The following SGMS1 variants were observed in gnomAD, a reference collection of about 807,000 sequenced individuals.
SGMS1 encodes sphingomyelin synthase 1, also known as phosphatidylcholine:ceramide cholinephosphotransferase 1.
SGMS1 carries 13 observed loss-of-function variants against 46.2 expected under a neutral mutation model. That is an observed-to-expected ratio of 0.28 (90% confidence interval 0.18 to 0.45). The LOEUF is 0.45. SGMS1 is among the 20% of genes least tolerant of loss of function. The pLI, the probability that SGMS1 is intolerant of heterozygous loss-of-function variation, is 1.00. For synonymous variants in SGMS1, 203 were observed against 187.8 expected (o/e 1.08, Z -0.66); for missense variants, 324 against 519.9 (o/e 0.62, Z 3.66).
At position 50,458,339 on chromosome 10, in the gene SGMS1, CTTTTTTTTTTTT is replaced by C. The variant is rs750349777; in HGVS notation, c.-313+2322_-313+2333del. 2.2e-3 allele frequency among the ~76,000 whole-genome samples: 210 copies of C among 97,150 alleles called. 1 individual carries two copies. The highest frequency in any genetic ancestry group is 6.0e-3 in the African/African-American group (140 of 23,478). 63.7% of individuals were successfully genotyped at this position (97,150 alleles called of 152,430 possible). A position where few individuals can be genotyped will look rare whatever the true frequency, so the allele number is the denominator to read the frequency against. ...TCTGGCTCTGCTATTTTCTTTTTCT[CTTTTTTTTTTTT>C]TTTTTTTTTTTTTTTTTTGTTTGAG... On this transcript the variant is annotated intron_variant, in intron 5 of 10. Transcript: ENST00000361781.
chr10:50,365,785 G>C (rs889791881), intron 6 of SGMS1, among the ~76,000 whole-genome samples: 6 of 152,154 alleles, frequency 3.9e-5, no homozygotes, highest in Non-Finnish European at 5.9e-5. Flanking sequence ...TGGCTGCATA[G>C]TATTCCATGG....
chr10:50,483,199 C>A (rs1436165280), intron 3 of SGMS1, among the ~76,000 whole-genome samples: 1 of 152,156 alleles, frequency 6.6e-6, no homozygotes, highest in Non-Finnish European at 1.5e-5. Flanking sequence ...CCTGCCTCAG[C>A]CTCCTGAGTG....
At chr10:50,542,920 A>G (rs192842025) in intron 2 of SGMS1, among the ~76,000 whole-genome samples, 61 of 151,686 alleles carry the variant, frequency 4.0e-4, no homozygotes, top group African/African-American at 1.4e-3. Context: ...TTAAAACACA[A>G]GTTACCTGCT....
intron 6 of SGMS1, among the ~76,000 whole-genome samples, chr10:50,410,169 A>G (rs1849076661): frequency 6.6e-6 from 1 of 152,246 alleles, no homozygotes; most frequent in Non-Finnish European, 1.5e-5. Context: ...CACATGAATA[A>G]GCACTCAATG....
chr10:50,381,269 GAAA>G (rs1209751070), intron 6 of SGMS1, among the ~76,000 whole-genome samples: 1 of 111,546 alleles, frequency 9.0e-6, no homozygotes, highest in Non-Finnish European at 2.0e-5. Context: ...TGTTCTAAAA[GAAA>G]AAAAAAAAGA....
chr10:50,341,983 T>C (rs1320015134), intron 7 of SGMS1, among the ~76,000 whole-genome samples: 2 of 152,190 alleles, frequency 1.3e-5, no homozygotes, highest in East Asian at 1.9e-4. Context: ...CAAAGTTATA[T>C]TGTGGGGTAG....
chr10:50,493,122 T>A (rs1837580849), intron 3 of SGMS1, among the ~76,000 whole-genome samples: 2 of 152,118 alleles, frequency 1.3e-5, no homozygotes, highest in African/African-American at 4.8e-5. Context: ...AAGAGACACA[T>A]AAACAAAAGA....
intron 2 of SGMS1, among the ~76,000 whole-genome samples, chr10:50,566,081 C>T (rs551727001): frequency 5.7e-4 from 87 of 152,300 alleles, no homozygotes; most frequent in African/African-American, 2.1e-3. Flanking sequence ...TCAATAACTG[C>T]TTTTTCTGCT....
intron 5 of SGMS1, among the ~76,000 whole-genome samples, chr10:50,451,114 G>C (rs1837104088): frequency 6.6e-6 from 1 of 152,028 alleles, no homozygotes; most frequent in Non-Finnish European, 1.5e-5. Flanking sequence ...GATTTTTAAT[G>C]GCTAAATGTG....
At chr10:50,450,062 T>A (rs1837084373) in intron 5 of SGMS1, among the ~76,000 whole-genome samples, 1 of 152,204 alleles carries the variant, frequency 6.6e-6, no homozygotes. Context: ...GAGAAAAGAC[T>A]ATATGAAACC....
intron 8 of SGMS1, among the ~76,000 whole-genome samples, chr10:50,313,151 A>T (rs1847284564): frequency 6.6e-6 from 1 of 152,224 alleles, no homozygotes; most frequent in African/African-American, 2.4e-5. Flanking sequence ...CTGCATATTG[A>T]GCTAAACGAA....
chr10:50,557,917 G>C (rs1278898225), intron 2 of SGMS1, among the ~76,000 whole-genome samples: 1 of 152,148 alleles, frequency 6.6e-6, no homozygotes, highest in African/African-American at 2.4e-5. Flanking sequence ...GGAGGAGAAG[G>C]AAAAACTCAG....
rs756099688 is a variant in SGMS1 at position 50,347,368 on chromosome 10, AATAAG to A, written c.-231-3028_-231-3024del. Among the ~76,000 whole-genome samples the A allele has an allele frequency of 5.3e-5, 8 of 152,340 alleles. 2 individuals are homozygous for A. In the Middle Eastern group the frequency reaches 0.02, roughly 389 times the overall value. On this transcript the variant is annotated intron_variant, in intron 6 of 10. Coordinates refer to ENST00000361781, the MANE Select transcript of SGMS1 (RefSeq NM_147156.4). ...TAAAACAATTTGGACGCGCAAGGAGAATAAGATGGGCATTCTCTAGAGAAATGTAA... is the reference window on the plus strand; with the variant it reads ...TAAAACAATTTGGACGCGCAAGGAGAATGGGCATTCTCTAGAGAAATGTAA...
At chr10:50,343,432 G>T (rs1847853232) in intron 7 of SGMS1, 60 bp downstream of exon 7, 1 of 1,461,688 alleles carries the variant, frequency 6.8e-7, no homozygotes, top group African/African-American at 1.4e-5. Flanking sequence ...TAAATAATAA[G>T]TAGATGTTTG....
intron 5 of SGMS1, among the ~76,000 whole-genome samples, chr10:50,453,322 C>T (rs1413246669): frequency 2.0e-5 from 3 of 151,914 alleles, no homozygotes; most frequent in African/African-American, 7.2e-5. Context: ...ATAAAAAACT[C>T]ATGTGAATTC....
chr10:50,512,025 T>C (rs1325501983), intron 3 of SGMS1, among the ~76,000 whole-genome samples: 2 of 152,114 alleles, frequency 1.3e-5, no homozygotes, highest in Non-Finnish European at 2.9e-5. Flanking sequence ...AATGTTCACA[T>C]ACAAGGTATG....
chr10:50,341,308 T>C (rs1357704024), intron 7 of SGMS1: 2 of 455,858 alleles, frequency 4.4e-6, no homozygotes, highest in African/African-American at 2.0e-5. Context: ...ACCTGTCTGG[T>C]GGGCCAGATA....
chr10:50,325,966 T>C (rs1847524055), intron 8 of SGMS1, among the ~76,000 whole-genome samples: 1 of 151,890 alleles, frequency 6.6e-6, no homozygotes. Context: ...GAGCTACAGG[T>C]GAGTGCTTGA....
At chr10:50,525,315 T>C (rs947096832) in intron 2 of SGMS1, among the ~76,000 whole-genome samples, 19 of 152,320 alleles carry the variant, frequency 1.2e-4, no homozygotes, top group African/African-American at 4.3e-4. Flanking sequence ...AGATCCAATA[T>C]GCCCGTTTCT....
Sources: gnomAD v4.1 joint callset for allele counts (sites outside exome capture counted in the v4.1 genomes callset) on GRCh38, gnomAD v4.1.1 for gene constraint, MANE v1.5 for transcripts, NCBI Gene and HGNC (gene_info 2026-07-23, HGNC 2026-07-21) for gene names.